ADH1B: variants seen among roughly 807,000 people sequenced by gnomAD.
ADH1B encodes alcohol dehydrogenase 1B (class I), beta polypeptide.
A neutral mutation model predicts 34.6 loss-of-function variants in ADH1B; 29 were observed. The ratio of observed to expected loss-of-function variants is 0.84; its 90% CI spans 0.62 to 1.14. The LOEUF is 1.14. ADH1B is among the 50% of genes most tolerant of loss of function. The pLI, the probability that ADH1B is intolerant of heterozygous loss-of-function variation, is 0.00. For synonymous variants in ADH1B, 170 were observed against 175.5 expected (o/e 0.97, Z 0.25); for missense variants, 424 against 468.4 (o/e 0.91, Z 0.87).
chr4:99,318,729 A>T (rs1733948682), intron 2 of ADH1B, 56 bp downstream of exon 2: 2 of 1,508,850 alleles, frequency 1.3e-6, no homozygotes, highest in Non-Finnish European at 1.8e-6. Flanking sequence ...TTCCATTTTT[A>T]ATGTTCTCTG....
chr4:99,316,003 A>G lies in ADH1B; in HGVS notation c.462T>C (p.Asp154=), dbSNP rs747161234. 6.2e-7 allele frequency: 1 copy of G among 1,614,218 alleles called. No homozygotes were observed. The highest frequency in any genetic ancestry group is 8.5e-7 in the Non-Finnish European group (1 of 1,180,036). Residue 154 remains aspartate (D), a synonymous_variant, in exon 5 of 9, where the codon GAT becomes GAC. Transcript: ENST00000305046. ...TSTFSQYTVV[D]ENAVAKIDAA... is the part of the protein sequence containing the mutation. Reference sequence around the variant, plus strand: ...CATCAATTTTGGCCACTGCATTCTCATCCACCACCGTGTACTGGGAGAAGG... The same window carrying G: ...CATCAATTTTGGCCACTGCATTCTCGTCCACCACCGTGTACTGGGAGAAGG...
chr4:99,316,502 T>C (rs1733889794), intron 3 of ADH1B, 200 bp from the exon 4 acceptor site: 4 of 651,224 alleles, frequency 6.1e-6, no homozygotes, highest in Non-Finnish European at 7.7e-6. Flanking sequence ...TGAGGATTCC[T>C]ACTGAGAAAT....
chr4:99,314,085 T>C lies in ADH1B; in HGVS notation c.568-4A>G, dbSNP rs911259035. On this transcript the variant is annotated splice_polypyrimidine_tract_variant and splice_region_variant and intron_variant, in intron 5 of 8. Coordinates refer to ENST00000305046, the MANE Select transcript of ADH1B (RefSeq NM_000668.6). ...CACAGGTAGAGCCTGGGGTGACCTG[T>C]GTTTTCAGAAAATGCAAAAATAGAT... The C allele has an allele frequency of 6.2e-7, 1 of 1,611,464 alleles. No individual in the cohort carries two copies. Among genetic ancestry groups the C allele is most frequent in the Non-Finnish European group, 8.5e-7 (1 of 1,178,702 alleles).
chr4:99,309,012 A>G (rs1373369569), intron 8 of ADH1B, among the ~76,000 whole-genome samples: 5 of 152,008 alleles, frequency 3.3e-5, no homozygotes, highest in Admixed American at 2.6e-4. Flanking sequence ...GACATTGCAT[A>G]TACAACATAT....
chr4:99,311,759 A>C, intron 6 of ADH1B, 103 bp from the exon 7 acceptor site: 1 of 1,486,910 alleles, frequency 6.7e-7, no homozygotes, highest in South Asian at 1.4e-5. Context: ...GTGAGTGTGT[A>C]GAGGGAAGAG....
rs767991836 is a variant in ADH1B, at chr4:99,318,059, A to C, written c.246T>G (p.Thr82=). ...TGAATCCTGTACCTGGTTTGACTGT[A>C]GTCACCCCTTCTCCAACACTCTCCA... is the stretch of plus-strand genomic sequence containing the variant. ...GIVESVGEGV[T]TVKPGDKVIP... is the part of the protein sequence containing the mutation. The change falls in exon 3 of 9, where the codon ACT becomes ACG. Residue 82 remains threonine (T), a synonymous_variant. Coordinates refer to ENST00000305046, the MANE Select transcript of ADH1B (RefSeq NM_000668.6). The C allele has an allele frequency of 6.2e-7, 1 of 1,614,050 alleles. No individual in the cohort carries two copies. The highest frequency in any genetic ancestry group is 2.2e-5 in the East Asian group (1 of 44,868).
chr4:99,313,793 A>C (rs1733808877), intron 6 of ADH1B, 28 bp downstream of exon 6: 1 of 1,614,012 alleles, frequency 6.2e-7, no homozygotes, highest in African/African-American at 1.3e-5. Context: ...GCAGAGGCAG[A>C]AATCTCAGGG....
At position 99,307,655 on chromosome 4, in the gene ADH1B, T is replaced by C. The variant is rs955158919; in HGVS notation, c.*185A>G. 1 of 778,834 alleles carries C rather than the reference T, an allele frequency of 1.3e-6. No homozygotes were observed. The highest frequency in any genetic ancestry group is 2.8e-5 in the Admixed American group (1 of 35,376). The allele number at this position is 778,834 out of a possible 1,614,324, so 48.2% of individuals were successfully genotyped here. The stretch of plus-strand genomic sequence containing the variant: ...GTTCAACACTTTATTTACTTCTCAC[T>C]TGAATTTTAAATTTTCCTGAAAAAT... On this transcript the variant is annotated 3_prime_UTR_variant, in exon 9 of 9. Coordinates refer to ENST00000305046, the MANE Select transcript of ADH1B (RefSeq NM_000668.6).
At chr4:99,310,257 A>G (rs953694153) in intron 8 of ADH1B, 5 of 350,718 alleles carry the variant, frequency 1.4e-5, no homozygotes, top group African/African-American at 1.1e-4. Flanking sequence ...TTCTTAAACT[A>G]CAAAAGAAAA....
intron 8 of ADH1B, 118 bp downstream of exon 8, chr4:99,310,647 T>G: frequency 7.3e-7 from 1 of 1,361,442 alleles, no homozygotes; most frequent in Non-Finnish European, 9.9e-7. Flanking sequence ...AAGACTGAAC[T>G]GGTAATGGAA....
chr4:99,307,913 T>C (rs1425644806), intron 8 of ADH1B, 49 bp from the exon 9 acceptor site: 2 of 1,612,744 alleles, frequency 1.2e-6, no homozygotes, highest in Non-Finnish European at 1.7e-6. Context: ...ACAACCCACA[T>C]GCTTGTTGTG....
In ADH1B at chr4:99,313,972, T is replaced by A; in HGVS notation, c.677A>T (p.Asn226Ile). ...GAARIIAVDI[N>I]KDKFAKAKEL... ...TTTGGCCTTTGCAAATTTGTCCTTG[T>A]TGATGTCCACCGCAATGATTCTGGC... The change falls in exon 6 of 9, where the codon AAC becomes ATC. Residue 226 changes from asparagine (N) to isoleucine (I), a missense_variant. Around this residue, in one of 3 missense-constraint regions of ADH1B, gnomAD observed 291 missense variants for 300.4 expected, o/e 0.97. Coordinates refer to ENST00000305046, the MANE Select transcript of ADH1B (RefSeq NM_000668.6). 1.2e-6 allele frequency: 2 copies of A among 1,614,220 alleles called. No homozygotes were observed. Among genetic ancestry groups the A allele is most frequent in the Non-Finnish European group, 1.7e-6 (2 of 1,180,036 alleles).
At chr4:99,316,882 G>T (rs982302747) in intron 3 of ADH1B, 1 of 151,420 alleles carries the variant, frequency 6.6e-6, no homozygotes, top group Non-Finnish European at 1.5e-5. Context: ...GGACAAAGAA[G>T]AATTCCAGAA....
intron 5 of ADH1B, chr4:99,314,334 C>T: frequency 1.8e-6 from 1 of 552,788 alleles, no homozygotes; most frequent in South Asian, 2.8e-5. Context: ...GTCCAGGTCA[C>T]AGCCCATGTC....
chr4:99,316,280 A>G lies in ADH1B; in HGVS notation c.282T>C (p.Phe94=). ...CTCTGCATTTTCCACACTGAGGAGT[A>G]AAGAGCGGGATGACTTTATCACCTG... ...VKPGDKVIPL[F]TPQCGKCRVC... is the part of the protein sequence containing the mutation. The change falls in exon 4 of 9, where the codon TTT becomes TTC. Residue 94 remains phenylalanine, a synonymous_variant. Transcript: ENST00000305046. 1 of 1,614,174 alleles carries G rather than the reference A, an allele frequency of 6.2e-7. No homozygotes were observed.
At chr4:99,315,194 A>G (rs1339111115) in intron 5 of ADH1B, 1 of 152,414 alleles carries the variant, frequency 6.6e-6, no homozygotes. Context: ...GCTTTGGGCA[A>G]ATATCTTTAT....
At chr4:99,316,737 A>G (rs28913922) in intron 3 of ADH1B, 6,915 of 152,606 alleles carry the variant, frequency 0.045, 502 homozygotes, top group African/African-American at 0.16. Flanking sequence ...GGTATTTTGT[A>G]AAAGATTGAT....
At chr4:99,310,487 G>A in intron 8 of ADH1B, 1 of 384,134 alleles carries the variant, frequency 2.6e-6, no homozygotes, top group East Asian at 6.7e-5. Context: ...TTTTTTTTGG[G>A]CAAATGTGAG....
intron 8 of ADH1B, among the ~76,000 whole-genome samples, chr4:99,308,274 C>G (rs1733663351): frequency 6.6e-6 from 1 of 151,318 alleles, no homozygotes; most frequent in African/African-American, 2.4e-5. Flanking sequence ...AACATCAACA[C>G]TAAGAGGTAG....
Sources: allele counts gnomAD v4.1 joint callset (sites outside exome capture counted in the v4.1 genomes callset), GRCh38; gene constraint gnomAD v4.1.1; regional missense constraint gnomAD v4.1.1; transcripts MANE v1.5; gene names NCBI Gene and HGNC (gene_info 2026-07-23, HGNC 2026-07-21).